Variants in RALGAPB observed in about 807,000 individuals in gnomAD.
RALGAPB encodes the protein Ral GTPase activating protein non-catalytic subunit beta, also known as ral GTPase-activating protein subunit beta.
RALGAPB carries 25 observed loss-of-function variants against 161.1 expected under a neutral mutation model. That is an observed-to-expected ratio of 0.16 (90% confidence interval 0.11 to 0.22). The LOEUF (loss-of-function observed/expected upper bound fraction) is 0.22. RALGAPB is among the 10% of genes least tolerant of loss of function. RALGAPB has a pLI of 1.00. For synonymous variants in RALGAPB, 629 were observed against 626.1 expected (o/e 1.00, Z -0.07); for missense variants, 1,391 against 1,815.2 (o/e 0.77, Z 4.25).
At chr20:38,476,412 AG>A (rs2084805044) in intron 1 of RALGAPB, among the ~76,000 whole-genome samples, 1 of 152,222 alleles carries the variant, frequency 6.6e-6, no homozygotes, top group African/African-American at 2.4e-5. Context: ...AACTTGGTCA[AG>A]GCTACATGGT....
chr20:38,516,390 C>T lies in RALGAPB; in HGVS notation c.1051+20C>T. 1 of 1,604,860 alleles carries T rather than the reference C, an allele frequency of 6.2e-7. No individual in the cohort carries two copies. The highest frequency in any genetic ancestry group is 8.5e-7 in the Non-Finnish European group (1 of 1,173,718). On this transcript the variant is annotated intron_variant, in intron 7 of 29. Transcript: ENST00000262879. The stretch of plus-strand genomic sequence containing the variant: ...TCTTAGGTGAATTTTGTGTATGTTG[C>T]TAGATGTATGAAGAGCTTCATTTAG...
Position 38,516,221 on chromosome 20 carries a change from T to C in RALGAPB, c.902T>C (p.Ile301Thr). 1 of 1,611,276 alleles carries C rather than the reference T, an allele frequency of 6.2e-7. No homozygotes were observed. Among genetic ancestry groups the C allele is most frequent in the Non-Finnish European group, 8.5e-7 (1 of 1,178,220 alleles). ...CCTGTGGATTTGAGTAACCCAGCTA[T>C]TATAAGCTCTACTCCCAAATTTCAG... Reference protein sequence around the residue: ...SNPVDLSNPAIISSTPKFQEQ... With the variant: ...SNPVDLSNPATISSTPKFQEQ... Residue 301 changes from isoleucine (I) to threonine (T), a missense_variant, in exon 7 of 30, where the codon ATT (isoleucine) becomes ACT (threonine). This residue lies in a region of RALGAPB where 946 missense variants were observed against 1,257.2 expected (regional missense o/e 0.75). Coordinates refer to ENST00000262879, the MANE Select transcript of RALGAPB (RefSeq NM_020336.4).
intron 1 of RALGAPB, 40 bp downstream of exon 1, chr20:38,473,109 C>G (rs1406919278): frequency 5.9e-6 from 2 of 340,780 alleles, no homozygotes; most frequent in Non-Finnish European, 1.1e-5. Flanking sequence ...GGACCCTCCC[C>G]TCTCCTTCCC....
In RALGAPB at chr20:38,517,808, G is replaced by C; in HGVS notation, c.1225G>C (p.Val409Leu). 1 of 1,613,760 alleles carries C rather than the reference G, an allele frequency of 6.2e-7. No individual in the cohort carries two copies. Among genetic ancestry groups the C allele is most frequent in the African/African-American group, 1.3e-5 (1 of 75,020 alleles). The part of the protein sequence containing the change: ...STVSTAHASK[V>L]QHQTSSTSPL... ...GGTTAGTACTGCTCATGCCTCTAAAGTTCAGCACCAGACGTCCTCCACCTC... is the reference window on the plus strand; with the variant it reads ...GGTTAGTACTGCTCATGCCTCTAAACTTCAGCACCAGACGTCCTCCACCTC... The change falls in exon 9 of 30, where the codon GTT (valine) becomes CTT (leucine). Residue 409 changes from valine to leucine, a missense_variant. Transcript: ENST00000262879.
At chr20:38,560,275 G>A (rs2087742281) in intron 23 of RALGAPB, among the ~76,000 whole-genome samples, 1 of 152,128 alleles carries the variant, frequency 6.6e-6, no homozygotes, top group African/African-American at 2.4e-5. Flanking sequence ...GGTGTTAATA[G>A]GGTCATTAAA....
intron 5 of RALGAPB, among the ~76,000 whole-genome samples, chr20:38,500,726 G>C (rs897524991): frequency 6.6e-6 from 1 of 152,192 alleles, no homozygotes; most frequent in African/African-American, 2.4e-5. Context: ...CAAATGGTTA[G>C]CCAAGGTGTG....
intron 18 of RALGAPB, among the ~76,000 whole-genome samples, chr20:38,542,036 G>A (rs1307710677): frequency 6.6e-6 from 1 of 152,192 alleles, no homozygotes; most frequent in Non-Finnish European, 1.5e-5. Context: ...GCTTGTAAGT[G>A]AGCATACTGG....
intron 24 of RALGAPB, 123 bp downstream of exon 24, chr20:38,562,820 G>T: frequency 9.3e-7 from 1 of 1,076,454 alleles, no homozygotes; most frequent in South Asian, 1.9e-5. Context: ...GTACAGTGGC[G>T]CATGCCTGTC....
rs2087161035 is a variant in RALGAPB, at chr20:38,546,299, G to A, written c.2771G>A (p.Ser924Asn). Residue 924 changes from serine to asparagine, a missense_variant, in exon 19 of 30, where the codon AGT (serine) becomes AAT (asparagine). Physicochemically the swap from Ser to Asn is conservative, Grantham distance 46. Transcript: ENST00000262879. ...PSPSGPASPC[S>N]LVNETTLIKY... Reference sequence around the variant, plus strand: ...CCTAGTGGTCCTGCCTCTCCTTGTAGTCTTGTGAATGAGACCACTTTGATT... The same window carrying A: ...CCTAGTGGTCCTGCCTCTCCTTGTAATCTTGTGAATGAGACCACTTTGATT... The A allele has an allele frequency of 6.2e-7, 1 of 1,614,016 alleles. No homozygotes were observed. Among genetic ancestry groups the A allele is most frequent in the Non-Finnish European group, 8.5e-7 (1 of 1,180,006 alleles).
rs1220649204 is a variant in RALGAPB, at chr20:38,517,831, C to T, written c.1248C>T (p.Thr416=). Residue 416 remains threonine, a synonymous_variant, in exon 9 of 30, where the codon ACC becomes ACT. Transcript: ENST00000262879. The part of the protein sequence containing the change: ...ASKVQHQTSS[T]SPLSSPNQTS... ...AAGTTCAGCACCAGACGTCCTCCAC[C>T]TCTCCTCTGTCAAGTCCAAATCAGA... 1 of 1,613,922 alleles carries T rather than the reference C, an allele frequency of 6.2e-7. No individual in the cohort carries two copies. Among genetic ancestry groups the T allele is most frequent in the Non-Finnish European group, 8.5e-7 (1 of 1,179,922 alleles).
rs142212962 is a variant in RALGAPB, at chr20:38,578,046, AAAATAAAT to A, written c.*3094_*3101del. The A allele has an allele frequency of 7.9e-5, 12 of 152,020 alleles. No homozygotes were observed. The highest frequency in any genetic ancestry group is 2.7e-4 in the African/African-American group (11 of 41,330). The allele number at this position is 152,020 out of a possible 1,614,324, so 9.4% of individuals were successfully genotyped here. A position where few individuals can be genotyped will look rare whatever the true frequency, so the allele number is the denominator to read the frequency against. ...AAGATGTGTTTTGTGGTAGGTGGTA[AAAATAAAT>A]AAATAAATAAATAATAAAAAAAGAA... On this transcript the variant is annotated 3_prime_UTR_variant, in exon 30 of 30. Transcript: ENST00000262879.
chr20:38,557,515 CCTCTTCACTCCTCA>C lies in RALGAPB; in HGVS notation c.3373-776_3373-763del, dbSNP rs1329165236. ...CCTGTACTCCACCTATTCATCCCTC[CCTCTTCACTCCTCA>C]CTCAACACCTAGTAGCCACTGGTCT... On this transcript the variant is annotated intron_variant, in intron 22 of 29. Coordinates refer to ENST00000262879, the MANE Select transcript of RALGAPB (RefSeq NM_020336.4). Among the ~76,000 whole-genome samples the C allele has an allele frequency of 5.3e-5, 8 of 152,284 alleles. No individual in the cohort carries two copies. In the East Asian group the frequency reaches 1.3e-3, roughly 26 times the overall value.
chr20:38,535,345 A>G, intron 16 of RALGAPB, 138 bp downstream of exon 16: 2 of 1,086,496 alleles, frequency 1.8e-6, no homozygotes, highest in Non-Finnish European at 2.6e-6. Context: ...AAAGTGTACA[A>G]AATTTAGCCT....
At position 38,473,083 on chromosome 20, in the gene RALGAPB, C is replaced by G. The variant is rs563332146; in HGVS notation, c.-31+14C>G. 44 of 355,088 alleles carry G rather than the reference C, an allele frequency of 1.2e-4. No individual in the cohort carries two copies. In the East Asian group the frequency reaches 1.8e-3, roughly 15 times the overall value. The allele number at this position is 355,088 out of a possible 1,614,324, so 22.0% of individuals were successfully genotyped here. On this transcript the variant is annotated intron_variant, in intron 1 of 29. Coordinates refer to ENST00000262879, the MANE Select transcript of RALGAPB (RefSeq NM_020336.4). Reference sequence around the variant, plus strand: ...CCGTCGCCTCAGGTAACCGGGCAGCCGGCCCCGCCGCGGCCGGACCCTCCC... The same window carrying G: ...CCGTCGCCTCAGGTAACCGGGCAGCGGGCCCCGCCGCGGCCGGACCCTCCC...
At chr20:38,563,730 G>A (rs2087877488) in intron 24 of RALGAPB, among the ~76,000 whole-genome samples, 1 of 152,190 alleles carries the variant, frequency 6.6e-6, no homozygotes, top group Non-Finnish European at 1.5e-5. Context: ...AACTGCCTTA[G>A]ATTTTAAAGA....
At chr20:38,535,700 C>T (rs1600978265) in intron 16 of RALGAPB, among the ~76,000 whole-genome samples, 1 of 152,214 alleles carries the variant, frequency 6.6e-6, no homozygotes, top group Non-Finnish European at 1.5e-5. Flanking sequence ...ATCCCCCTGC[C>T]TCAGCCTCCA....
chr20:38,546,252 G>A lies in RALGAPB; in HGVS notation c.2724G>A (p.Gln908=), dbSNP rs1404488412. The change falls in exon 19 of 30, where the codon CAG becomes CAA. Residue 908 remains glutamine (Q), a synonymous_variant. Transcript: ENST00000262879. ...TTTCCATTCTCCATAGCATTATGCAGTTGCTCGGCGCATTTCCTTCACCTA... is the reference window on the plus strand; with the variant it reads ...TTTCCATTCTCCATAGCATTATGCAATTGCTCGGCGCATTTCCTTCACCTA... ...AAEATLTCIM[Q]LLGAFPSPSG... 6.2e-7 allele frequency: 1 copy of A among 1,613,942 alleles called. No individual in the cohort carries two copies. The highest frequency in any genetic ancestry group is 8.5e-7 in the Non-Finnish European group (1 of 1,179,950).
intron 19 of RALGAPB, among the ~76,000 whole-genome samples, chr20:38,548,337 C>G (rs1327886028): frequency 2.6e-5 from 4 of 152,166 alleles, no homozygotes; most frequent in Admixed American, 2.0e-4. Flanking sequence ...GACAGTGTTT[C>G]CCACAAATGT....
chr20:38,533,281 A>G (rs970898512), intron 15 of RALGAPB, among the ~76,000 whole-genome samples: 31 of 152,152 alleles, frequency 2.0e-4, no homozygotes, highest in African/African-American at 7.5e-4. Context: ...GCATGTCTTC[A>G]TGTTAAAACC....
Sources: gnomAD v4.1 joint callset for allele counts (sites outside exome capture counted in the v4.1 genomes callset) on GRCh38, gnomAD v4.1.1 for gene constraint, gnomAD v4.1.1 regional missense constraint, MANE v1.5 for transcripts, NCBI Gene and HGNC (gene_info 2026-07-23, HGNC 2026-07-21) for gene names.